The following NXPH1 variants were observed in gnomAD, a reference collection of about 807,000 sequenced individuals.
The protein encoded by NXPH1 is neurexophilin-1.
NXPH1 carries 5 observed loss-of-function variants against 23.7 expected under a neutral mutation model. That is an observed-to-expected ratio of 0.21 (90% CI 0.11 to 0.44). The LOEUF is 0.44. NXPH1 is among the 20% of genes least tolerant of loss of function. The pLI is 0.99. For missense variants in NXPH1, 324 were observed against 321.6 expected (o/e 1.01, Z -0.06); for synonymous variants, 144 against 122.2 (o/e 1.18, Z -1.18).
intron 2 of NXPH1, among the ~76,000 whole-genome samples, chr7:8,711,597 G>A (rs1779796158): frequency 6.6e-6 from 1 of 152,164 alleles, no homozygotes. Context: ...GCTGCTCTGG[G>A]TACTGAAGAG....
intron 2 of NXPH1, among the ~76,000 whole-genome samples, chr7:8,659,005 A>T (rs865937380): frequency 0.012 from 867 of 73,244 alleles, 200 homozygotes; most frequent in African/African-American, 0.03. Flanking sequence ...ATATATATAT[A>T]TTTTTTTTTT....
chr7:8,690,291 G>A (rs770669746), intron 2 of NXPH1: 7 of 152,232 alleles, frequency 4.6e-5, no homozygotes, highest in Non-Finnish European at 7.3e-5. Context: ...GACAGTGGAA[G>A]CAGCAGAAAG....
At chr7:8,620,030 A>G (rs950262030) in intron 2 of NXPH1, among the ~76,000 whole-genome samples, 1 of 152,144 alleles carries the variant, frequency 6.6e-6, no homozygotes, top group Non-Finnish European at 1.5e-5. Context: ...GCTGTGCTGT[A>G]ATGTGTTGAG....
At chr7:8,619,722 G>A (rs750832625) in intron 2 of NXPH1, among the ~76,000 whole-genome samples, 1 of 152,120 alleles carries the variant, frequency 6.6e-6, no homozygotes, top group East Asian at 1.9e-4. Context: ...CTGAGTCCCA[G>A]AGAAAAGGAA....
chr7:8,545,243 G>T (rs1487247029), intron 2 of NXPH1, among the ~76,000 whole-genome samples: 2 of 151,480 alleles, frequency 1.3e-5, no homozygotes, highest in Non-Finnish European at 3.0e-5. Context: ...TTCAGGCTTT[G>T]TCACTAGGAC....
chr7:8,739,877 A>G (rs2115226490), intron 2 of NXPH1, among the ~76,000 whole-genome samples: 1 of 152,294 alleles, frequency 6.6e-6, no homozygotes, highest in African/African-American at 2.4e-5. Context: ...AGGCCTACAC[A>G]GGGTCAGCAT....
intron 2 of NXPH1, among the ~76,000 whole-genome samples, chr7:8,483,994 C>T (rs1817118266): frequency 7.7e-6 from 1 of 130,048 alleles, no homozygotes; most frequent in African/African-American, 4.3e-5. Context: ...AGAAGTAGAC[C>T]ATAGAGGATG....
At chr7:8,668,563 T>C (rs577772095) in intron 2 of NXPH1, among the ~76,000 whole-genome samples, 125 of 151,856 alleles carry the variant, frequency 8.2e-4, no homozygotes, top group Admixed American at 1.1e-3. Flanking sequence ...TCCATGGGGG[T>C]GGGCCTGGAG....
chr7:8,535,911 A>T (rs1364704586), intron 2 of NXPH1, among the ~76,000 whole-genome samples: 1 of 151,964 alleles, frequency 6.6e-6, no homozygotes, highest in East Asian at 1.9e-4. Flanking sequence ...TGCCAGAAGC[A>T]TCTCCTTTGT....
intron 2 of NXPH1, among the ~76,000 whole-genome samples, chr7:8,625,078 G>T (rs1443274631): frequency 6.6e-6 from 1 of 152,070 alleles, no homozygotes; most frequent in Non-Finnish European, 1.5e-5. Context: ...GTCATTTTCA[G>T]CTTCCTATGT....
intron 2 of NXPH1, among the ~76,000 whole-genome samples, chr7:8,682,232 T>C (rs1821067162): frequency 6.6e-6 from 1 of 152,196 alleles, no homozygotes; most frequent in South Asian, 2.1e-4. Flanking sequence ...ATAAGTCTCT[T>C]CTGGCCTTAG....
At chr7:8,529,396 G>C (rs775166821) in intron 2 of NXPH1, among the ~76,000 whole-genome samples, 5 of 152,164 alleles carry the variant, frequency 3.3e-5, no homozygotes, top group African/African-American at 7.2e-5. Context: ...TGTGGGTGCA[G>C]TACACATGGG....
At chr7:8,468,151 A>G (rs1816814229) in intron 2 of NXPH1, among the ~76,000 whole-genome samples, 1 of 152,122 alleles carries the variant, frequency 6.6e-6, no homozygotes, top group Admixed American at 6.5e-5. Context: ...TAGAATAAAT[A>G]ATCAATATAA....
At chr7:8,603,128 C>T (rs1239699890) in intron 2 of NXPH1, among the ~76,000 whole-genome samples, 4 of 152,092 alleles carry the variant, frequency 2.6e-5, no homozygotes, top group Non-Finnish European at 5.9e-5. Flanking sequence ...GTGTCTTTTG[C>T]AGCTCTTAGC....
intron 2 of NXPH1, among the ~76,000 whole-genome samples, chr7:8,489,841 A>T (rs542388700): frequency 2.6e-5 from 4 of 152,186 alleles, no homozygotes; most frequent in African/African-American, 9.6e-5. Context: ...AATTTAATGG[A>T]TGTATCAGGA....
rs778166337 is a variant in NXPH1, at chr7:8,751,079, A to G, written c.126A>G (p.Leu42=). Residue 42 remains leucine, a synonymous_variant, in exon 3 of 3, where the codon CTA becomes CTG. Transcript: ENST00000405863. This position sits in a 1 kb window ranked among gnomAD's most constrained non-coding sequence, Gnocchi z 4.5. ...AATCAGGAAGCAGCAAATCCACACT[A>G]AAGCACATATGGACAGAAAGCAGCA... ...LLKSGSSKST[L]KHIWTESSKD... is the part of the protein sequence containing the mutation. The G allele has an allele frequency of 1.2e-6, 2 of 1,613,862 alleles. No homozygotes were observed. Among genetic ancestry groups the G allele is most frequent in the Admixed American group, 1.7e-5 (1 of 59,974 alleles).
intron 2 of NXPH1, among the ~76,000 whole-genome samples, chr7:8,451,480 G>A (rs951650262): frequency 3.3e-5 from 5 of 152,148 alleles, no homozygotes; most frequent in African/African-American, 1.2e-4. Flanking sequence ...ACATACCAAT[G>A]TCATCCCAAG....
chr7:8,450,193 A>C (rs1645672741), intron 2 of NXPH1, among the ~76,000 whole-genome samples: 1 of 152,210 alleles, frequency 6.6e-6, no homozygotes, highest in African/African-American at 2.4e-5. Context: ...TGGGGAGAGA[A>C]GAGCAGAGTT....
chr7:8,625,275 A>G (rs1819963296), intron 2 of NXPH1, among the ~76,000 whole-genome samples: 1 of 152,268 alleles, frequency 6.6e-6, no homozygotes, highest in East Asian at 1.9e-4. Context: ...TTTATTTCCA[A>G]TTTCAAAGAT....
Sources: allele counts gnomAD v4.1 joint callset (sites outside exome capture counted in the v4.1 genomes callset), GRCh38; gene constraint gnomAD v4.1.1; non-coding constraint Gnocchi (gnomAD v3.1); transcripts MANE v1.5; gene names NCBI Gene and HGNC (gene_info 2026-07-23, HGNC 2026-07-21).